The following NUP42 variants were observed in gnomAD, a reference collection of about 807,000 sequenced individuals.
The protein encoded by NUP42 is nucleoporin NUP42.
Under a neutral mutation model 35.9 loss-of-function variants are expected in NUP42, and 47 were observed. That is an observed-to-expected ratio of 1.31 (90% CI 1.04 to 1.67). The LOEUF is 1.67. NUP42 is among the 40% of genes most tolerant of loss of function. NUP42 has a pLI of 0.00. For synonymous variants in NUP42, 173 were observed against 173.3 expected (o/e 1.00, Z 0.01); for missense variants, 514 against 492.2 (o/e 1.04, Z -0.42).
chr7:23,196,014 A>G (rs375468746), intron 4 of NUP42, 99 bp downstream of exon 4: 47 of 565,190 alleles, frequency 8.3e-5, no homozygotes, highest in African/African-American at 7.0e-4. Flanking sequence ...GATGAGGTCT[A>G]TGATCTTTTT....
chr7:23,191,957 C>T (rs1785807599), intron 3 of NUP42, among the ~76,000 whole-genome samples: 1 of 151,550 alleles, frequency 6.6e-6, no homozygotes, highest in Admixed American at 6.6e-5. Flanking sequence ...GACTGTGTCT[C>T]AAAAATAAAA....
intron 1 of NUP42, chr7:23,182,546 A>G: frequency 9.7e-7 from 1 of 1,033,024 alleles, no homozygotes; most frequent in Non-Finnish European, 1.2e-6. Flanking sequence ...GGGTGAGGCT[A>G]GCAGCTTGGG....
intron 3 of NUP42, among the ~76,000 whole-genome samples, chr7:23,189,175 A>C (rs943681297): frequency 6.6e-6 from 1 of 152,252 alleles, no homozygotes; most frequent in Non-Finnish European, 1.5e-5. Flanking sequence ...ATGGTTATTT[A>C]GAAGAAAACA....
At chr7:23,187,937 T>G in intron 3 of NUP42, 27 of 258,832 alleles carry the variant, frequency 1.0e-4, no homozygotes, top group Non-Finnish European at 1.5e-4. Flanking sequence ...ATATTCTCTG[T>G]CTCTCTCTCT....
At chr7:23,199,687 T>G in intron 6 of NUP42, 145 bp downstream of exon 6, 1 of 705,864 alleles carries the variant, frequency 1.4e-6, no homozygotes, top group Middle Eastern at 3.0e-4. Context: ...ATTTGACTCA[T>G]TAGACATTTG....
intron 3 of NUP42, 65 bp from the exon 4 acceptor site, chr7:23,195,774 C>CTCTAGCTT (rs1785990503): frequency 1.1e-5 from 12 of 1,049,816 alleles, no homozygotes. Flanking sequence ...TGTTTAGCAC[C>CTCTAGCTT]TCTAGCTTTA....
Position 23,195,886 on chromosome 7 carries a change from T to C in NUP42, c.493T>C (p.Phe165Leu), listed in dbSNP as rs1405968049. 25 of 1,606,066 alleles carry C rather than the reference T, an allele frequency of 1.6e-5. 1 individual carries two copies. The highest frequency in any genetic ancestry group is 2.0e-5 in the Non-Finnish European group (24 of 1,175,902). Reference sequence around the variant, plus strand: ...GGAATTGAGGCTTGAATACCATAACTTCTTAACCAGCAATAACTTACAGAG... The same window carrying C: ...GGAATTGAGGCTTGAATACCATAACCTCTTAACCAGCAATAACTTACAGAG... Reference protein sequence around the residue: ...PEELRLEYHNFLTSNNLQSYL... With the variant: ...PEELRLEYHNLLTSNNLQSYL... Residue 165 changes from phenylalanine to leucine, a missense_variant, in exon 4 of 7, where the codon TTC becomes CTC. Transcript: ENST00000258742.
At chr7:23,187,812 G>C (rs555142527) in intron 3 of NUP42, among the ~76,000 whole-genome samples, 1 of 151,208 alleles carries the variant, frequency 6.6e-6, no homozygotes, top group Non-Finnish European at 1.5e-5. Context: ...TACCATGTTG[G>C]CCAGTCTAGT....
At chr7:23,185,526 T>C (rs1173031499) in intron 2 of NUP42, among the ~76,000 whole-genome samples, 1 of 152,224 alleles carries the variant, frequency 6.6e-6, no homozygotes, top group East Asian at 1.9e-4. Context: ...CTAGATTTTA[T>C]TTCACTTAAA....
At position 23,196,743 on chromosome 7, in the gene NUP42, AAT is replaced by A. The variant is rs745831723; in HGVS notation, c.591_592del (p.Ser198AsnfsTer2). The A allele has an allele frequency of 6.2e-7, 1 of 1,610,232 alleles. No homozygotes were observed. On this transcript the variant is annotated frameshift_variant, in exon 5 of 7. Transcript: ENST00000258742. LOFTEE classifies it high-confidence loss of function. ...CAGGGTAAATGAACTGAAAAGTCTA[AAT>A]ATATCAACTAAAGTAGCTTTGGTGA... ...RNRVNELKSLNISTKVALLSD... is the reference protein window; with the variant it reads ...RNRVNELKSLXISTKVALLSD...
At chr7:23,182,261 G>A in intron 1 of NUP42, 55 bp downstream of exon 1, 6 of 1,544,750 alleles carry the variant, frequency 3.9e-6, no homozygotes, top group Non-Finnish European at 5.2e-6. Context: ...TCCGCCGGCG[G>A]GGACCGGGCG....
intron 4 of NUP42, 102 bp downstream of exon 4, chr7:23,196,017 A>T: frequency 1.8e-6 from 1 of 544,982 alleles, no homozygotes; most frequent in Non-Finnish European, 3.1e-6. Context: ...GAGGTCTATG[A>T]TCTTTTTTCA....
intron 3 of NUP42, among the ~76,000 whole-genome samples, chr7:23,192,373 A>G (rs1476611762): frequency 2.0e-5 from 3 of 151,900 alleles, no homozygotes; most frequent in Admixed American, 6.6e-5. Flanking sequence ...GTGAAACCCC[A>G]TCTCTACTAA....
intron 3 of NUP42, among the ~76,000 whole-genome samples, chr7:23,190,192 T>G (rs1583765917): frequency 6.6e-6 from 1 of 152,204 alleles, no homozygotes; most frequent in South Asian, 2.1e-4. Flanking sequence ...ATGTCCACAG[T>G]TATTTGAAAA....
chr7:23,189,444 T>A (rs2128473336), intron 3 of NUP42, among the ~76,000 whole-genome samples: 1 of 152,178 alleles, frequency 6.6e-6, no homozygotes, highest in East Asian at 1.9e-4. Flanking sequence ...CAAGACCTTG[T>A]CTCTACAAAA....
chr7:23,193,240 C>T (rs1217517108), intron 3 of NUP42, among the ~76,000 whole-genome samples: 3 of 152,184 alleles, frequency 2.0e-5, no homozygotes, highest in African/African-American at 7.2e-5. Context: ...AACGAAGCTT[C>T]CACAGTGTGG....
intron 5 of NUP42, chr7:23,198,239 G>C (rs1055600312): frequency 8.8e-6 from 1 of 113,476 alleles, no homozygotes; most frequent in Non-Finnish European, 1.6e-5. Context: ...TTGAGGCAGA[G>C]TCTCACTCTG....
rs769140088 is a variant in NUP42, at chr7:23,196,781, GTT to G, written c.609+18_609+19del. 2 of 1,536,792 alleles carry G rather than the reference GTT, an allele frequency of 1.3e-6. No individual in the cohort carries two copies. The highest frequency in any genetic ancestry group is 1.8e-6 in the Non-Finnish European group (2 of 1,111,212). ...AAGTAGCTTTGGTGAGTATGGGAGA[GTT>G]TTCTTGAGGGAAGTGTCTTACCTAT... is the stretch of plus-strand genomic sequence containing the variant. On this transcript the variant is annotated intron_variant, in intron 5 of 6. Coordinates refer to ENST00000258742, the MANE Select transcript of NUP42 (RefSeq NM_007342.3).
At chr7:23,188,518 A>T in intron 3 of NUP42, 1 of 985,450 alleles carries the variant, frequency 1.0e-6, no homozygotes, top group Non-Finnish European at 1.2e-6. Flanking sequence ...GCCCTAAAGC[A>T]GTGGTTCTTA....
Sources: allele counts gnomAD v4.1 joint callset (sites outside exome capture counted in the v4.1 genomes callset), GRCh38; gene constraint gnomAD v4.1.1; transcripts MANE v1.5; gene names NCBI Gene and HGNC (gene_info 2026-07-23, HGNC 2026-07-21).